Variants in RIT2 observed in about 807,000 individuals in gnomAD.
RIT2 encodes the protein Ras like without CAAX 2.
A neutral mutation model predicts 23.7 loss-of-function variants in RIT2; 24 were observed. The ratio of observed to expected loss-of-function variants is 1.01; its 90% CI spans 0.73 to 1.43. The LOEUF is 1.43. Ranked by LOEUF, RIT2 falls within the 40% of genes most tolerant of loss-of-function variation. The probability of loss-of-function intolerance (pLI) is 0.00; values close to 1 mark genes in which losing one functional copy is unlikely to be tolerated. For missense variants in RIT2, 236 were observed against 266.9 expected (o/e 0.88, Z 0.81); for synonymous variants, 107 against 91.1 (o/e 1.17, Z -0.99).
intron 4 of RIT2, among the ~76,000 whole-genome samples, chr18:42,853,752 G>A (rs1410545122): frequency 6.6e-6 from 1 of 152,114 alleles, no homozygotes; most frequent in Non-Finnish European, 1.5e-5. Flanking sequence ...TTCAGTAATT[G>A]TATGGATTTT....
chr18:42,769,879 A>AATAATG (rs753915081), intron 4 of RIT2, among the ~76,000 whole-genome samples: 1 of 145,416 alleles, frequency 6.9e-6, no homozygotes, highest in Non-Finnish European at 1.5e-5. Flanking sequence ...TAATAATAAT[A>AATAATG]AAGATATACC....
intron 4 of RIT2, among the ~76,000 whole-genome samples, chr18:42,876,838 C>A (rs766159235): frequency 3.3e-5 from 5 of 151,666 alleles, no homozygotes; most frequent in Non-Finnish European, 7.4e-5. Context: ...TGAAAATGAG[C>A]TACTATCCCA....
intron 1 of RIT2, among the ~76,000 whole-genome samples, chr18:43,093,147 A>T (rs945122592): frequency 1.3e-5 from 2 of 152,048 alleles, no homozygotes; most frequent in African/African-American, 4.8e-5. Context: ...AATTTATTTA[A>T]GAGCTGGAAA....
intron 4 of RIT2, among the ~76,000 whole-genome samples, chr18:42,893,569 T>C (rs1053460745): frequency 5.3e-5 from 8 of 152,176 alleles, no homozygotes; most frequent in Non-Finnish European, 4.4e-5. Context: ...GAGGTTAGAT[T>C]TCAATAGATA....
chr18:42,750,628 G>C (rs1410214595), intron 4 of RIT2, among the ~76,000 whole-genome samples: 1 of 151,726 alleles, frequency 6.6e-6, no homozygotes, highest in African/African-American at 2.4e-5. Context: ...GTCACAAAAA[G>C]TGAGTTGAGT....
At chr18:42,892,382 AATTGGAGTCT>A (rs1908204053) in intron 4 of RIT2, among the ~76,000 whole-genome samples, 2 of 152,210 alleles carry the variant, frequency 1.3e-5, no homozygotes, top group South Asian at 4.1e-4. Context: ...ATACTATCTT[AATTGGAGTCT>A]ATTGGATTAT....
chr18:42,838,319 C>T (rs1402935668), intron 4 of RIT2, among the ~76,000 whole-genome samples: 1 of 150,076 alleles, frequency 6.7e-6, no homozygotes. Context: ...TAAATACTTC[C>T]CCAAAACTTT....
At chr18:42,750,749 G>A (rs1913027104) in intron 4 of RIT2, among the ~76,000 whole-genome samples, 1 of 151,750 alleles carries the variant, frequency 6.6e-6, no homozygotes, top group Non-Finnish European at 1.5e-5. Context: ...ACTTGTATTA[G>A]TTTTTGGTTC....
Position 42,743,343 on chromosome 18 carries a change from G to T in RIT2, c.*150C>A, listed in dbSNP as rs1325919772. The T allele has an allele frequency of 9.5e-6, 6 of 631,540 alleles. No homozygotes were observed. The highest frequency in any genetic ancestry group is 2.9e-5 in the Admixed American group (1 of 34,482). The allele number at this position is 631,540 out of a possible 1,614,324, so 39.1% of individuals were successfully genotyped here. A position where few individuals can be genotyped will look rare whatever the true frequency, so the allele number is the denominator to read the frequency against. ...AAGGCAAAACAAAACTATCTCAAGA[G>T]GTACAGATATGCAGAGCTTGCTTTT... is the stretch of plus-strand genomic sequence containing the variant. On this transcript the variant is annotated 3_prime_UTR_variant, in exon 5 of 5. Coordinates refer to ENST00000326695, the MANE Select transcript of RIT2 (RefSeq NM_002930.4).
intron 4 of RIT2, among the ~76,000 whole-genome samples, chr18:42,823,764 G>A (rs1906218783): frequency 6.6e-6 from 1 of 152,148 alleles, no homozygotes; most frequent in South Asian, 2.1e-4. Context: ...TACAGAAAAT[G>A]TTTGAGATAG....
Position 43,002,353 on chromosome 18 carries a change from G to C in RIT2, c.161-28206C>G, listed in dbSNP as rs906819323. On this transcript the variant is annotated intron_variant, in intron 2 of 4. Transcript: ENST00000326695. ...GTCCACTCAGGTTGAGGGTGGGTCT[G>C]CCTCTCCTAGTCCACTGACTCTAAT... is the stretch of plus-strand genomic sequence containing the variant. Among the ~76,000 whole-genome samples, 8 of 151,880 alleles carry C rather than the reference G, an allele frequency of 5.3e-5. 1 individual carries two copies. The highest frequency in any genetic ancestry group is 3.3e-4 in the Admixed American group (5 of 15,224).
intron 1 of RIT2, among the ~76,000 whole-genome samples, chr18:43,078,594 G>A (rs1913079434): frequency 6.6e-6 from 1 of 152,120 alleles, no homozygotes; most frequent in African/African-American, 2.4e-5. Context: ...CACTGGCTCT[G>A]TGTACTACCT....
At chr18:42,758,165 AAGGTTAAAC>A (rs1413440869) in intron 4 of RIT2, among the ~76,000 whole-genome samples, 1 of 152,048 alleles carries the variant, frequency 6.6e-6, no homozygotes, top group African/African-American at 2.4e-5. Flanking sequence ...CCCTTTTTAT[AAGGTTAAAC>A]AGAGAGAAGA....
chr18:43,081,531 C>A (rs1366235808), intron 1 of RIT2, among the ~76,000 whole-genome samples: 4 of 152,068 alleles, frequency 2.6e-5, no homozygotes, highest in Non-Finnish European at 4.4e-5. Flanking sequence ...TTCATATGTG[C>A]TCTTACCACT....
intron 1 of RIT2, among the ~76,000 whole-genome samples, chr18:43,073,642 T>C (rs1025947072): frequency 1.3e-5 from 2 of 152,124 alleles, no homozygotes; most frequent in Non-Finnish European, 2.9e-5. Context: ...TATCGTCATA[T>C]GTGAATTGAG....
chr18:43,105,129 TGTTTG>T (rs1913780616), intron 1 of RIT2, among the ~76,000 whole-genome samples: 2 of 150,400 alleles, frequency 1.3e-5, no homozygotes, highest in East Asian at 3.9e-4. Flanking sequence ...TGTGTGTGTG[TGTTTG>T]TGTGTGTGTG....
At chr18:43,090,404 C>G (rs1292343836) in intron 1 of RIT2, among the ~76,000 whole-genome samples, 1 of 152,020 alleles carries the variant, frequency 6.6e-6, no homozygotes, top group Non-Finnish European at 1.5e-5. Context: ...GAAAAAGAAA[C>G]ACTTATACGC....
intron 1 of RIT2, among the ~76,000 whole-genome samples, chr18:43,109,916 C>A (rs72896745): frequency 6.6e-6 from 1 of 151,992 alleles, no homozygotes; most frequent in African/African-American, 2.4e-5. Context: ...CATTGGGAAC[C>A]TTTTTCTGCT....
At chr18:42,767,768 T>A (rs968117056) in intron 4 of RIT2, among the ~76,000 whole-genome samples, 1 of 152,184 alleles carries the variant, frequency 6.6e-6, no homozygotes, top group African/African-American at 2.4e-5. Context: ...GGAAAGGTAA[T>A]TGAATCATGA....
Sources: allele counts gnomAD v4.1 joint callset (sites outside exome capture counted in the v4.1 genomes callset), GRCh38; gene constraint gnomAD v4.1.1; transcripts MANE v1.5; gene names NCBI Gene and HGNC (gene_info 2026-07-23, HGNC 2026-07-21).